PRDM16: variants seen among roughly 807,000 people sequenced by gnomAD.
The protein encoded by PRDM16 is PR/SET domain 16.
A neutral mutation model predicts 110.6 loss-of-function variants in PRDM16; 23 were observed. The ratio of observed to expected loss-of-function variants is 0.21; its 90% CI spans 0.15 to 0.29. PRDM16 has a LOEUF of 0.29. Among genes scored for constraint, PRDM16 ranks in the 10% least tolerant of loss-of-function variants. The probability of loss-of-function intolerance (pLI) is 1.00; values close to 1 mark genes in which losing one functional copy is unlikely to be tolerated. For synonymous variants in PRDM16, 799 were observed against 781.8 expected (o/e 1.02, Z -0.37); for missense variants, 1,615 against 1,794.3 (o/e 0.90, Z 1.81).
intron 1 of PRDM16, among the ~76,000 whole-genome samples, chr1:3,125,444 A>G (rs956058526): frequency 2.0e-5 from 3 of 152,200 alleles, no homozygotes; most frequent in African/African-American, 4.8e-5. Flanking sequence ...GCCAGGGCAC[A>G]TGGGGAAACT....
chr1:3,346,226 C>T (rs945370266), intron 3 of PRDM16, among the ~76,000 whole-genome samples: 6 of 152,144 alleles, frequency 3.9e-5, no homozygotes, highest in African/African-American at 1.4e-4. Context: ...TTGTTTCTCC[C>T]GTTGGCCCTG....
rs550854383 is a variant in PRDM16, at chr1:3,145,107, G to C, written c.38-41018G>C. On this transcript the variant is annotated intron_variant, in intron 1 of 16. Transcript: ENST00000270722. The stretch of plus-strand genomic sequence containing the variant: ...CCCAAGTAGGCCCCACGCAGGGGCT[G>C]ACCTGGCAGGTGATCGTCCATGCCA... Among the ~76,000 whole-genome samples the C allele has an allele frequency of 1.1e-4, 16 of 152,324 alleles. No homozygotes were observed. In the East Asian group the frequency reaches 3.1e-3, roughly 29 times the overall value.
At chr1:3,234,055 A>T (rs1393561521) in intron 2 of PRDM16, among the ~76,000 whole-genome samples, 1 of 151,938 alleles carries the variant, frequency 6.6e-6, no homozygotes, top group Non-Finnish European at 1.5e-5. Flanking sequence ...CGCTCCCACC[A>T]GGCTGGATGT....
intron 3 of PRDM16, among the ~76,000 whole-genome samples, chr1:3,356,403 G>C (rs992298649): frequency 1.3e-5 from 2 of 152,204 alleles, no homozygotes; most frequent in African/African-American, 4.8e-5. Context: ...GTCCGACGCC[G>C]TGTCCACACC....
At chr1:3,128,671 C>T (rs1056069600) in intron 1 of PRDM16, among the ~76,000 whole-genome samples, 2 of 62,626 alleles carry the variant, frequency 3.2e-5, no homozygotes, top group African/African-American at 1.7e-4. Flanking sequence ...CCTGTTCCTC[C>T]CACCATGCTA....
chr1:3,278,974 G>A (rs534671066), intron 3 of PRDM16, among the ~76,000 whole-genome samples: 11 of 152,328 alleles, frequency 7.2e-5, no homozygotes, highest in Non-Finnish European at 1.2e-4. Flanking sequence ...GGTGCCGAGC[G>A]CGGCGCTGGC....
rs1569802371 is a variant in PRDM16, at chr1:3,435,837, A to G, written c.*2026A>G. 4.3e-6 allele frequency: 1 copy of G among 232,082 alleles called. No individual in the cohort carries two copies. Among genetic ancestry groups the G allele is most frequent in the African/African-American group, 2.2e-5 (1 of 45,246 alleles). 14.4% of individuals were successfully genotyped at this position (232,082 alleles called of 1,614,324 possible). A position where few individuals can be genotyped will look rare whatever the true frequency, so the allele number is the denominator to read the frequency against. ...CGGGGAGGCTCCTGCAGGAGGCTCAACCCGACGGATCACAGTGAAAGGGAT... is the reference window on the plus strand; with the variant it reads ...CGGGGAGGCTCCTGCAGGAGGCTCAGCCCGACGGATCACAGTGAAAGGGAT... On this transcript the variant is annotated 3_prime_UTR_variant, in exon 17 of 17. Transcript: ENST00000270722.
At chr1:3,269,210 A>G (rs1640370188) in intron 3 of PRDM16, among the ~76,000 whole-genome samples, 1 of 152,252 alleles carries the variant, frequency 6.6e-6, no homozygotes, top group Non-Finnish European at 1.5e-5. Flanking sequence ...TGGCTGGGGT[A>G]CCAGATGGAC....
chr1:3,419,719 TG>T (rs1228865812), intron 12 of PRDM16, among the ~76,000 whole-genome samples: 2 of 152,074 alleles, frequency 1.3e-5, no homozygotes, highest in East Asian at 1.9e-4. Context: ...GTGCAGGCAC[TG>T]GGGACTCAGT....
chr1:3,405,373 C>T (rs1204028880), intron 7 of PRDM16, 122 bp from the exon 8 acceptor site: 23 of 1,171,210 alleles, frequency 2.0e-5, no homozygotes, highest in Non-Finnish European at 1.2e-6. Flanking sequence ...TTGGTGCAGA[C>T]TGCAACGTGG....
At chr1:3,315,098 G>A (rs1393080566) in intron 3 of PRDM16, among the ~76,000 whole-genome samples, 1 of 149,732 alleles carries the variant, frequency 6.7e-6, no homozygotes, top group Non-Finnish European at 1.5e-5. Flanking sequence ...AACTGGGAGA[G>A]CAGCGAGACA....
chr1:3,251,784 C>A (rs914219775), intron 3 of PRDM16, among the ~76,000 whole-genome samples: 6 of 152,172 alleles, frequency 3.9e-5, no homozygotes, highest in African/African-American at 7.2e-5. Flanking sequence ...GTCAATAAAC[C>A]CTGTCCATAA....
At chr1:3,314,052 G>A (rs1016552779) in intron 3 of PRDM16, among the ~76,000 whole-genome samples, 23 of 138,094 alleles carry the variant, frequency 1.7e-4, no homozygotes, top group African/African-American at 5.6e-4. Flanking sequence ...CCTCGCCCCC[G>A]AATGCCGTCC....
intron 3 of PRDM16, chr1:3,310,039 T>C (rs1641412207): frequency 6.6e-6 from 1 of 152,212 alleles, no homozygotes; most frequent in Non-Finnish European, 1.5e-5. Context: ...CATGCCTTCC[T>C]GGGTGCAGCA....
At chr1:3,253,590 TC>T (rs1639987727) in intron 3 of PRDM16, among the ~76,000 whole-genome samples, 1 of 151,946 alleles carries the variant, frequency 6.6e-6, no homozygotes. Context: ...TGCCACATTT[TC>T]TTAATCCAGT....
intron 3 of PRDM16, among the ~76,000 whole-genome samples, chr1:3,249,240 A>T (rs1322251960): frequency 1.2e-5 from 1 of 86,902 alleles, no homozygotes; most frequent in Non-Finnish European, 2.3e-5. Flanking sequence ...AGGGGTAGGG[A>T]GGGGAGGGGA....
At chr1:3,374,992 C>T (rs990576271) in intron 3 of PRDM16, among the ~76,000 whole-genome samples, 1 of 152,216 alleles carries the variant, frequency 6.6e-6, no homozygotes, top group Admixed American at 6.5e-5. Flanking sequence ...TCCAGGACAT[C>T]TTCAGCAGGT....
rs551681701 is a variant in PRDM16 at position 3,126,574 on chromosome 1, A to G, written c.37+57278A>G. ...TTGAAAACCCAGGGGCCTGTACCCAATCCCAAGCAGTGGCCTACCGTGCTT... is the reference window on the plus strand; with the variant it reads ...TTGAAAACCCAGGGGCCTGTACCCAGTCCCAAGCAGTGGCCTACCGTGCTT... On this transcript the variant is annotated intron_variant, in intron 1 of 16. Transcript: ENST00000270722. Among the ~76,000 whole-genome samples the G allele has an allele frequency of 1.6e-4, 25 of 152,256 alleles. No homozygotes were observed. The East Asian group carries it at 4.5e-3, about 27-fold the overall frequency.
chr1:3,431,659 G>T (rs1638772418), intron 15 of PRDM16, among the ~76,000 whole-genome samples: 1 of 152,248 alleles, frequency 6.6e-6, no homozygotes, highest in African/African-American at 2.4e-5. Context: ...TCTCTGAGCT[G>T]CCTGGGGTCT....
Sources: allele counts gnomAD v4.1 joint callset (sites outside exome capture counted in the v4.1 genomes callset), GRCh38; gene constraint gnomAD v4.1.1; transcripts MANE v1.5; gene names NCBI Gene and HGNC (gene_info 2026-07-23, HGNC 2026-07-21).